BEST3: variants seen among roughly 807,000 people sequenced by gnomAD.
BEST3 encodes bestrophin 3, also known as bestrophin-3.
A neutral mutation model predicts 47.1 loss-of-function variants in BEST3; 50 were observed. The observed-to-expected ratio is 1.06, with a 90% CI of 0.85 to 1.34. The LOEUF (loss-of-function observed/expected upper bound fraction) is 1.34, where lower values mean the gene tolerates loss of function less well. Among genes scored for constraint, BEST3 ranks in the 40% most tolerant of loss-of-function variants. The probability of loss-of-function intolerance (pLI) is 0.00; values close to 1 mark genes in which losing one functional copy is unlikely to be tolerated. For missense variants in BEST3, 765 were observed against 817.0 expected, an observed-to-expected ratio of 0.94 and a Z score of 0.78; for synonymous variants, 282 against 298.8, an observed-to-expected ratio of 0.94 and a Z score of 0.58.
chr12:69,667,571 C>T (rs1368535839), intron 9 of BEST3, among the ~76,000 whole-genome samples: 2 of 152,332 alleles, frequency 1.3e-5, no homozygotes, highest in African/African-American at 4.8e-5. Flanking sequence ...GCTGGGATTA[C>T]AGGCATGAGC....
downstream of BEST3, among the ~76,000 whole-genome samples, chr12:69,648,786 T>G (rs1883119510): frequency 6.6e-6 from 1 of 152,220 alleles, no homozygotes; most frequent in Admixed American, 6.5e-5. Flanking sequence ...TCCATGAGTT[T>G]GCTTGGCCCA....
At chr12:69,695,092 C>A (rs1886083022) in intron 2 of BEST3, among the ~76,000 whole-genome samples, 1 of 152,034 alleles carries the variant, frequency 6.6e-6, no homozygotes, top group Admixed American at 6.6e-5. Flanking sequence ...CCCAACCTGC[C>A]CAAACCCCAT....
intron 9 of BEST3, chr12:69,670,415 A>T (rs753995088): frequency 4.3e-6 from 3 of 702,134 alleles, no homozygotes; most frequent in Non-Finnish European, 7.8e-6. Context: ...AATCGTTCTC[A>T]TTATTTGCTG....
chr12:69,672,589 C>A (rs1051739833), intron 8 of BEST3, among the ~76,000 whole-genome samples: 1 of 152,272 alleles, frequency 6.6e-6, no homozygotes, highest in Middle Eastern at 3.4e-3. Flanking sequence ...GACTAAAGAA[C>A]AATTTAAAAT....
intron 9 of BEST3, among the ~76,000 whole-genome samples, chr12:69,661,609 C>G (rs1883879027): frequency 6.6e-6 from 1 of 152,162 alleles, no homozygotes; most frequent in African/African-American, 2.4e-5. Flanking sequence ...GAATCATCAT[C>G]AAAGCTGTAG....
chr12:69,684,488 A>T, intron 4 of BEST3: 1 of 579,344 alleles, frequency 1.7e-6, no homozygotes, highest in Non-Finnish European at 3.3e-6. Context: ...CCTTGATTGA[A>T]GTTGAGGCAG....
chr12:69,655,055 T>C lies in BEST3; in HGVS notation c.1859A>G (p.Asp620Gly). 2 of 1,614,168 alleles carry C rather than the reference T, an allele frequency of 1.2e-6. No individual in the cohort carries two copies. Among genetic ancestry groups the C allele is most frequent in the Non-Finnish European group, 1.7e-6 (2 of 1,180,024 alleles). The change falls in exon 10 of 10, where the codon GAC becomes GGC. Residue 620 changes from aspartate to glycine, a missense_variant. Asp to Gly is a moderately conservative substitution (Grantham distance 94). Transcript: ENST00000330891. ...ACTGATCTCTGAGGATGTTTCTGTG[T>C]CAATTAAAAGAGCTGGCTGAGAGCT... ...PMSSQPALLI[D>G]TETSSEISGI...
At chr12:69,649,870 A>G (rs1017929270), downstream of BEST3, among the ~76,000 whole-genome samples, 20 of 152,258 alleles carry the variant, frequency 1.3e-4, no homozygotes, top group African/African-American at 4.8e-4. Flanking sequence ...AACCCATTTT[A>G]GAAACGTTCT....
At chr12:69,699,130 G>C in intron 1 of BEST3, 75 bp downstream of exon 1, 1 of 847,720 alleles carries the variant, frequency 1.2e-6, no homozygotes, top group Non-Finnish European at 1.4e-6. Flanking sequence ...TTCTTTTCAA[G>C]CTCTGCCAGG....
intron 1 of BEST3, among the ~76,000 whole-genome samples, chr12:69,698,667 C>T (rs1565847431): frequency 6.6e-6 from 1 of 152,152 alleles, no homozygotes; most frequent in Non-Finnish European, 1.5e-5. Flanking sequence ...TTGTACTAGA[C>T]ACAAAAAATA....
At chr12:69,674,480 C>T (rs972338341) in intron 7 of BEST3, among the ~76,000 whole-genome samples, 2 of 152,110 alleles carry the variant, frequency 1.3e-5, no homozygotes, top group Non-Finnish European at 2.9e-5. Flanking sequence ...GGTCTGTGCC[C>T]TGAATCAGTA....
At chr12:69,676,290 C>T (rs891673073) in intron 7 of BEST3, among the ~76,000 whole-genome samples, 4 of 152,016 alleles carry the variant, frequency 2.6e-5, no homozygotes, top group Non-Finnish European at 5.9e-5. Flanking sequence ...CGGTGGCTCA[C>T]GCCTGTAATC....
chr12:69,654,534 GTCTGGGCCTT>G lies in BEST3; in HGVS notation c.*363_*372del. ...AGAAGAGAAATAGAGAACCCTGCGTGTCTGGGCCTTTGGGTCTAGGGGATTGGACTATGAT... is the reference window on the plus strand; with the variant it reads ...AGAAGAGAAATAGAGAACCCTGCGTGTGGGTCTAGGGGATTGGACTATGAT... On this transcript the variant is annotated 3_prime_UTR_variant, in exon 10 of 10. Coordinates refer to ENST00000330891, the MANE Select transcript of BEST3 (RefSeq NM_032735.3). 1.0e-6 allele frequency: 1 copy of G among 1,001,138 alleles called. No individual in the cohort carries two copies. The highest frequency in any genetic ancestry group is 5.7e-5 in the Admixed American group (1 of 17,520). The allele number at this position is 1,001,138 out of a possible 1,614,324, so 62.0% of individuals were successfully genotyped here.
At chr12:69,684,809 G>C (rs553691170) in intron 4 of BEST3, among the ~76,000 whole-genome samples, 5 of 152,174 alleles carry the variant, frequency 3.3e-5, no homozygotes, top group Non-Finnish European at 7.3e-5. Context: ...GAAAATCAAG[G>C]GGGGAGCAAA....
At chr12:69,688,807 G>C (rs1167676091) in intron 4 of BEST3, among the ~76,000 whole-genome samples, 2 of 152,184 alleles carry the variant, frequency 1.3e-5, no homozygotes, top group Non-Finnish European at 2.9e-5. Flanking sequence ...GGGACCACCA[G>C]CCTCAGAGTC....
intron 9 of BEST3, 43 bp downstream of exon 9, chr12:69,671,385 C>T: frequency 6.5e-7 from 1 of 1,548,702 alleles, no homozygotes; most frequent in East Asian, 2.3e-5. Flanking sequence ...CACTATGTTG[C>T]TCAGGCTGGA....
At chr12:69,646,265 TA>T (rs1883033611) in intron 9 of BEST3, among the ~76,000 whole-genome samples, 1 of 152,220 alleles carries the variant, frequency 6.6e-6, no homozygotes, top group South Asian at 2.1e-4. Flanking sequence ...TCACTTAGTC[TA>T]ACCATTCATT....
chr12:69,683,367 T>C (rs1353329339), intron 4 of BEST3: 1 of 152,140 alleles, frequency 6.6e-6, no homozygotes, highest in Non-Finnish European at 1.5e-5. Context: ...CCTTGCAGGG[T>C]CACACATCTT....
Position 69,655,655 on chromosome 12 carries a change from C to T in BEST3, c.1259G>A (p.Ser420Asn), listed in dbSNP as rs1392520627. The T allele has an allele frequency of 1.2e-6, 2 of 1,613,868 alleles. No individual in the cohort carries two copies. The highest frequency in any genetic ancestry group is 1.7e-6 in the Non-Finnish European group (2 of 1,180,004). ...RRSYRRQTSD[S>N]SMFLPRDDLS... ...GTCATCTCGGGGTAAGAACATGGAG[C>T]TGTCACTTGTCTGCCTCCTGTAGCT... Residue 420 changes from serine (S) to asparagine (N), a missense_variant, in exon 10 of 10, where the codon AGC becomes AAC. Coordinates refer to ENST00000330891, the MANE Select transcript of BEST3 (RefSeq NM_032735.3).
Sources: allele counts gnomAD v4.1 joint callset (sites outside exome capture counted in the v4.1 genomes callset), GRCh38; gene constraint gnomAD v4.1.1; transcripts MANE v1.5; gene names NCBI Gene and HGNC (gene_info 2026-07-23, HGNC 2026-07-21).